Variants in ZNRF1 observed in about 807,000 individuals in gnomAD.
The protein encoded by ZNRF1 is zinc and ring finger 1.
In ZNRF1, 3 loss-of-function variants were observed where a neutral mutation model predicts 18.4. The ratio of observed to expected loss-of-function variants is 0.16; its 90% CI spans 0.07 to 0.42. The LOEUF (loss-of-function observed/expected upper bound fraction) is 0.42. ZNRF1 is among the 10% of genes least tolerant of loss of function. The pLI is 0.99. For synonymous variants in ZNRF1, 157 were observed against 144.2 expected, an observed-to-expected ratio of 1.09 and a Z score of -0.64; for missense variants, 310 against 329.8, an observed-to-expected ratio of 0.94 and a Z score of 0.47.
At chr16:75,004,593 A>C (rs139036851) in intron 1 of ZNRF1, among the ~76,000 whole-genome samples, 2 of 152,166 alleles carry the variant, frequency 1.3e-5, no homozygotes, top group Non-Finnish European at 2.9e-5. Context: ...AGACTGATAC[A>C]AGGTGATTGT....
intron 1 of ZNRF1, among the ~76,000 whole-genome samples, chr16:75,028,296 T>G (rs1016965220): frequency 1.3e-5 from 2 of 152,198 alleles, no homozygotes; most frequent in African/African-American, 4.8e-5. Context: ...ACTTTTTGTT[T>G]TTTGTTTTTT....
At chr16:75,045,514 G>A (rs1391047375) in intron 1 of ZNRF1, among the ~76,000 whole-genome samples, 2 of 152,016 alleles carry the variant, frequency 1.3e-5, no homozygotes, top group East Asian at 1.9e-4. Context: ...TGCTATGACA[G>A]TGTCAATCGC....
rs185784478 is a variant in ZNRF1, at chr16:75,110,874, G to C, written c.*3174G>C. 1 of 152,350 alleles carries C rather than the reference G, an allele frequency of 6.6e-6. No homozygotes were observed. Among genetic ancestry groups the C allele is most frequent in the Admixed American group, 6.5e-5 (1 of 15,302 alleles). The allele number at this position is 152,350 out of a possible 1,614,324, so 9.4% of individuals were successfully genotyped here. A position where few individuals can be genotyped will look rare whatever the true frequency, so the allele number is the denominator to read the frequency against. ...GGCGAGAGGGCTGTCTCGGTGATGAGCACACGCGTGCTGGGGTGGTTTGGG... is the reference window on the plus strand; with the variant it reads ...GGCGAGAGGGCTGTCTCGGTGATGACCACACGCGTGCTGGGGTGGTTTGGG... On this transcript the variant is annotated 3_prime_UTR_variant, in exon 5 of 5. Coordinates refer to ENST00000335325, the MANE Select transcript of ZNRF1 (RefSeq NM_032268.5).
At chr16:75,013,032 C>G (rs892443883) in intron 1 of ZNRF1, among the ~76,000 whole-genome samples, 1 of 152,176 alleles carries the variant, frequency 6.6e-6, no homozygotes, top group Admixed American at 6.5e-5. Flanking sequence ...GGCATCAGTT[C>G]TGTAGGATTA....
At chr16:75,098,999 C>G (rs1209763899) in intron 2 of ZNRF1, among the ~76,000 whole-genome samples, 1 of 152,172 alleles carries the variant, frequency 6.6e-6, no homozygotes, top group Non-Finnish European at 1.5e-5. Context: ...ACTCAGTGAC[C>G]AGGTTCCTCC....
At chr16:75,085,665 C>T (rs942835017) in intron 1 of ZNRF1, among the ~76,000 whole-genome samples, 1 of 152,022 alleles carries the variant, frequency 6.6e-6, no homozygotes, top group African/African-American at 2.4e-5. Context: ...GTGAGAGTTC[C>T]GGTTGCTACA....
chr16:75,089,086 A>G (rs1429156972), intron 1 of ZNRF1, among the ~76,000 whole-genome samples: 1 of 152,112 alleles, frequency 6.6e-6, no homozygotes, highest in African/African-American at 2.4e-5. Context: ...CCACTCGCAT[A>G]ATAGACACCA....
chr16:75,100,739 C>T (rs796079506), intron 2 of ZNRF1, among the ~76,000 whole-genome samples: 28 of 152,296 alleles, frequency 1.8e-4, no homozygotes, highest in African/African-American at 6.3e-4. Context: ...GGAAGGAATG[C>T]TTTAGAGGAA....
intron 1 of ZNRF1, among the ~76,000 whole-genome samples, chr16:75,044,756 G>T (rs2035492952): frequency 6.6e-6 from 1 of 152,126 alleles, no homozygotes; most frequent in African/African-American, 2.4e-5. Context: ...TTATTTGATG[G>T]ACATACCCCT....
Position 75,093,652 on chromosome 16 carries a change from C to T in ZNRF1, c.505C>T (p.Arg169Cys), listed in dbSNP as rs758442950. The T allele has an allele frequency of 3.1e-6, 5 of 1,613,828 alleles. No homozygotes were observed. The highest frequency in any genetic ancestry group is 2.7e-5 in the African/African-American group (2 of 74,932). Reference protein sequence around the residue: ...MHFIMCLSKPRLSYNDDVLTK... With the variant: ...MHFIMCLSKPCLSYNDDVLTK... Reference sequence around the variant, plus strand: ...CTTTATAATGTGTTTGAGCAAACCTCGCCTCTCCTACAACGGTAAGGGCTT... The same window carrying T: ...CTTTATAATGTGTTTGAGCAAACCTTGCCTCTCCTACAACGGTAAGGGCTT... The change falls in exon 2 of 5, where the codon CGC (arginine) becomes TGC (cysteine). Residue 169 changes from arginine to cysteine, a missense_variant. Physicochemically the swap from Arg to Cys is radical, Grantham distance 180. Coordinates refer to ENST00000335325, the MANE Select transcript of ZNRF1 (RefSeq NM_032268.5).
intron 1 of ZNRF1, among the ~76,000 whole-genome samples, chr16:75,031,544 G>A (rs986201241): frequency 3.3e-5 from 5 of 151,984 alleles, no homozygotes; most frequent in African/African-American, 9.7e-5. Context: ...GTCTCACTTT[G>A]TCCCCCAGGC....
rs2036368961 is a variant in ZNRF1 at position 75,110,420 on chromosome 16, G to C, written c.*2720G>C. 6.6e-6 allele frequency: 1 copy of C among 152,224 alleles called. No homozygotes were observed. The highest frequency in any genetic ancestry group is 2.1e-4 in the South Asian group (1 of 4,832). The allele number at this position is 152,224 out of a possible 1,614,324, so 9.4% of individuals were successfully genotyped here. A position where few individuals can be genotyped will look rare whatever the true frequency, so the allele number is the denominator to read the frequency against. ...GCACACTTTGATGAGGTTCCTGGAC[G>C]TGAGACCCTCACAAAGACCAACCAT... is the stretch of plus-strand genomic sequence containing the variant. On this transcript the variant is annotated 3_prime_UTR_variant, in exon 5 of 5. Transcript: ENST00000335325.
intron 1 of ZNRF1, among the ~76,000 whole-genome samples, chr16:75,011,755 C>G (rs968810283): frequency 1.3e-5 from 2 of 152,196 alleles, no homozygotes; most frequent in Non-Finnish European, 2.9e-5. Context: ...CGAGCCCAGT[C>G]ATGTTGGCTG....
At chr16:75,062,745 G>C (rs532708402) in intron 1 of ZNRF1, among the ~76,000 whole-genome samples, 1 of 152,332 alleles carries the variant, frequency 6.6e-6, no homozygotes, top group African/African-American at 2.4e-5. Context: ...GGCGTCCGGA[G>C]GGCCTGGCCG....
At chr16:75,002,031 A>G (rs1021621016) in intron 1 of ZNRF1, among the ~76,000 whole-genome samples, 12 of 152,314 alleles carry the variant, frequency 7.9e-5, no homozygotes, top group African/African-American at 2.4e-4. Context: ...CTTACTGTGT[A>G]GGACCATCAT....
intron 1 of ZNRF1, 149 bp downstream of exon 1, chr16:75,000,244 A>G: frequency 8.8e-7 from 1 of 1,141,688 alleles, no homozygotes; most frequent in Non-Finnish European, 1.3e-6. Flanking sequence ...TAAATGGGAT[A>G]CCTACCGTCT....
chr16:75,106,563 C>G lies in ZNRF1; in HGVS notation c.*24C>G. On this transcript the variant is annotated 3_prime_UTR_variant, in exon 4 of 5. Coordinates refer to ENST00000335325, the MANE Select transcript of ZNRF1 (RefSeq NM_032268.5). ...GACCTGCGGGCTTGCTTGCTGACTCCTCTCAAAGGTGAGCCCGCGTTTGGG... is the reference window on the plus strand; with the variant it reads ...GACCTGCGGGCTTGCTTGCTGACTCGTCTCAAAGGTGAGCCCGCGTTTGGG... The G allele has an allele frequency of 4.3e-6, 7 of 1,614,046 alleles. No homozygotes were observed. Among genetic ancestry groups the G allele is most frequent in the Non-Finnish European group, 5.9e-6 (7 of 1,179,980 alleles).
intron 1 of ZNRF1, among the ~76,000 whole-genome samples, chr16:75,005,456 C>T (rs1291287775): frequency 1.3e-5 from 2 of 152,206 alleles, no homozygotes; most frequent in Non-Finnish European, 2.9e-5. Context: ...CATTCTTAGC[C>T]AAAGAAATGA....
At chr16:75,062,223 C>T (rs1191784714) in intron 1 of ZNRF1, among the ~76,000 whole-genome samples, 2 of 152,218 alleles carry the variant, frequency 1.3e-5, no homozygotes, top group African/African-American at 4.8e-5. Context: ...CGTTCAAGAG[C>T]ATGTCAGAAG....
Sources: allele counts gnomAD v4.1 joint callset (sites outside exome capture counted in the v4.1 genomes callset), GRCh38; gene constraint gnomAD v4.1.1; transcripts MANE v1.5; gene names NCBI Gene and HGNC (gene_info 2026-07-23, HGNC 2026-07-21).